The following ANKFN1 variants were observed in gnomAD, a reference collection of about 807,000 sequenced individuals.
The protein encoded by ANKFN1 is ankyrin repeat and fibronectin type III domain containing 1, also known as ankyrin repeat and fibronectin type-III domain-containing protein 1.
Under a neutral mutation model 108.7 loss-of-function variants are expected in ANKFN1, and 74 were observed. The ratio of observed to expected loss-of-function variants is 0.68; its 90% CI spans 0.56 to 0.83. The LOEUF is 0.83. Among genes scored for constraint, ANKFN1 ranks in the 40% least tolerant of loss-of-function variants. The probability of loss-of-function intolerance (pLI) is 0.00; values close to 1 mark genes in which losing one functional copy is unlikely to be tolerated. For missense variants in ANKFN1, 1,505 were observed against 1,382.3 expected (o/e 1.09, Z -1.41); for synonymous variants, 547 against 516.2 (o/e 1.06, Z -0.81).
intron 3 of ANKFN1, among the ~76,000 whole-genome samples, chr17:56,279,212 A>AG (rs1366318407): frequency 1.1e-4 from 17 of 152,222 alleles, no homozygotes; most frequent in Admixed American, 5.2e-4. Context: ...ATAAAGAACT[A>AG]AAAATTATAT....
intron 3 of ANKFN1, among the ~76,000 whole-genome samples, chr17:56,283,154 A>G (rs2044128814): frequency 6.6e-6 from 1 of 152,110 alleles, no homozygotes; most frequent in African/African-American, 2.4e-5. Flanking sequence ...ACATGTGTCC[A>G]TGTGTACTCA....
At chr17:56,492,144 T>A (rs1392472440) in intron 18 of ANKFN1, 43 bp from the exon 19 acceptor site, 2 of 680,978 alleles carry the variant, frequency 2.9e-6, no homozygotes, top group African/African-American at 3.5e-5. Context: ...TCTATTTTGA[T>A]ACCAGATCTT....
chr17:56,187,940 G>A (rs961780578), intron 1 of ANKFN1, among the ~76,000 whole-genome samples: 6 of 152,196 alleles, frequency 3.9e-5, no homozygotes, highest in South Asian at 2.1e-4. Flanking sequence ...CGTGGGGTAG[G>A]GGGTGGGGGA....
At chr17:56,365,043 T>G (rs1567946419) in intron 6 of ANKFN1, among the ~76,000 whole-genome samples, 1 of 152,190 alleles carries the variant, frequency 6.6e-6, no homozygotes, top group Non-Finnish European at 1.5e-5. Flanking sequence ...AGTATTTAAT[T>G]TTTAGAATTC....
chr17:56,351,176 G>C (rs535378176), intron 5 of ANKFN1, among the ~76,000 whole-genome samples: 1 of 151,348 alleles, frequency 6.6e-6, no homozygotes, highest in Non-Finnish European at 1.5e-5. Flanking sequence ...CTTTCTTTTT[G>C]TTTCTTTTTC....
Position 56,511,505 on chromosome 17 carries a change from A to G in ANKFN1, c.*236A>G, listed in dbSNP as rs867277512. On this transcript the variant is annotated 3_prime_UTR_variant, in exon 21 of 21. Coordinates refer to ENST00000682825, the MANE Select transcript of ANKFN1 (RefSeq NM_001370326.1). ...AAGGGCATGGGGGAGTTGTGTCAAC[A>G]TGGAATACGACATACAGTGACTCAA... is the stretch of plus-strand genomic sequence containing the variant. 19 of 537,314 alleles carry G rather than the reference A, an allele frequency of 3.5e-5. No homozygotes were observed. Among genetic ancestry groups the G allele is most frequent in the African/African-American group, 5.7e-5 (3 of 52,454 alleles). 33.3% of individuals were successfully genotyped at this position (537,314 alleles called of 1,614,324 possible).
chr17:56,240,157 C>G (rs925694128), intron 3 of ANKFN1, among the ~76,000 whole-genome samples: 7 of 151,794 alleles, frequency 4.6e-5, no homozygotes, highest in African/African-American at 1.5e-4. Context: ...TTCATATGCC[C>G]CCTTTCCTGG....
chr17:56,442,820 T>A lies in ANKFN1; in HGVS notation c.1009-23T>A, dbSNP rs758282724. Reference sequence around the variant, plus strand: ...AAAAATGATTAAATAAAATGCCTGATGCATCATTTCAATACTTTGCAGGGC... The same window carrying A: ...AAAAATGATTAAATAAAATGCCTGAAGCATCATTTCAATACTTTGCAGGGC... On this transcript the variant is annotated intron_variant, in intron 9 of 20. Transcript: ENST00000682825. The A allele has an allele frequency of 1.1e-5, 17 of 1,606,154 alleles. No homozygotes were observed. The South Asian group carries it at 1.9e-4, about 18-fold the overall frequency.
intron 1 of ANKFN1, among the ~76,000 whole-genome samples, chr17:56,160,644 A>G (rs1038816770): frequency 6.6e-6 from 1 of 152,180 alleles, no homozygotes; most frequent in Non-Finnish European, 1.5e-5. Flanking sequence ...GTCTTATGGA[A>G]ACTTTTATAA....
intron 3 of ANKFN1, among the ~76,000 whole-genome samples, chr17:56,278,704 G>T (rs945114305): frequency 6.6e-6 from 1 of 152,164 alleles, no homozygotes; most frequent in Non-Finnish European, 1.5e-5. Context: ...CAATAATTCT[G>T]AGAGTAGATG....
intron 15 of ANKFN1, among the ~76,000 whole-genome samples, chr17:56,469,119 G>C (rs906961505): frequency 6.6e-6 from 1 of 152,028 alleles, no homozygotes; most frequent in African/African-American, 2.4e-5. Flanking sequence ...GGTTGTTAGA[G>C]AAGGAAACCA....
chr17:56,409,020 G>A (rs931470663), intron 8 of ANKFN1, among the ~76,000 whole-genome samples: 2 of 151,810 alleles, frequency 1.3e-5, no homozygotes, highest in African/African-American at 4.8e-5. Flanking sequence ...CACCTCCCGG[G>A]TTCAAGAAAT....
intron 4 of ANKFN1, among the ~76,000 whole-genome samples, chr17:56,054,353 C>A (rs537112857): frequency 6.6e-6 from 1 of 152,314 alleles, no homozygotes; most frequent in South Asian, 2.1e-4. Flanking sequence ...AAGAAACTCA[C>A]TCAGGTTTTG....
At chr17:56,150,074 C>G (rs1459404943), upstream of ANKFN1, among the ~76,000 whole-genome samples, 2 of 152,110 alleles carry the variant, frequency 1.3e-5, no homozygotes, top group African/African-American at 4.8e-5. Context: ...AAGAATATTT[C>G]TACGTAAGTT....
In ANKFN1 at chr17:56,248,583, G is replaced by A. The variant is rs138755623; in HGVS notation, c.53+20626G>A. 4.8e-3 allele frequency among the ~76,000 whole-genome samples: 731 copies of A among 152,252 alleles called. 4 individuals carry two copies. Among genetic ancestry groups the A allele is most frequent in the African/African-American group, 0.016 (683 of 41,546 alleles). On this transcript the variant is annotated intron_variant, in intron 3 of 20. Coordinates refer to ENST00000682825, the MANE Select transcript of ANKFN1 (RefSeq NM_001370326.1). ...CTTACATTACTATTTTCACATAGGT[G>A]GAAGGCAGAGGTGAATCGAGGCCAT...
chr17:56,237,444 C>T (rs889840308), intron 3 of ANKFN1, among the ~76,000 whole-genome samples: 2 of 152,048 alleles, frequency 1.3e-5, no homozygotes, highest in Non-Finnish European at 2.9e-5. Context: ...CTATTTATTA[C>T]TGATTCAATT....
At chr17:56,071,624 G>A (rs1905122060) in intron 4 of ANKFN1, among the ~76,000 whole-genome samples, 2 of 151,896 alleles carry the variant, frequency 1.3e-5, no homozygotes, top group African/African-American at 2.4e-5. Context: ...CTTGTTTTTT[G>A]TTTGTTTGTT....
At chr17:56,256,911 A>T (rs551896096) in intron 3 of ANKFN1, among the ~76,000 whole-genome samples, 2 of 152,310 alleles carry the variant, frequency 1.3e-5, no homozygotes, top group African/African-American at 4.8e-5. Flanking sequence ...GGATCTTTAT[A>T]ATTATTTGTC....
intron 10 of ANKFN1, 118 bp downstream of exon 10, chr17:56,443,051 G>C (rs1016084403): frequency 3.5e-5 from 31 of 897,804 alleles, no homozygotes; most frequent in Non-Finnish European, 5.0e-5. Flanking sequence ...GACCTTCTCA[G>C]GGCAGCATCT....
Sources: gnomAD v4.1 joint callset for allele counts (sites outside exome capture counted in the v4.1 genomes callset) on GRCh38, gnomAD v4.1.1 for gene constraint, MANE v1.5 for transcripts, NCBI Gene and HGNC (gene_info 2026-07-23, HGNC 2026-07-21) for gene names.